DAB1: variants seen among roughly 807,000 people sequenced by gnomAD.
DAB1 encodes DAB adaptor protein 1.
Under a neutral mutation model 64.6 loss-of-function variants are expected in DAB1, and 15 were observed. That is an observed-to-expected ratio of 0.23 (90% CI 0.16 to 0.36). DAB1 has a LOEUF of 0.36. DAB1 is among the 10% of genes least tolerant of loss of function. DAB1 has a pLI of 1.00. For synonymous variants in DAB1, 235 were observed against 251.9 expected, an observed-to-expected ratio of 0.93 and a Z score of 0.64; for missense variants, 596 against 706.7, an observed-to-expected ratio of 0.84 and a Z score of 1.78.
chr1:57,449,116 C>T (rs1036779279), intron 7 of DAB1, among the ~76,000 whole-genome samples: 1 of 152,080 alleles, frequency 6.6e-6, no homozygotes, highest in Non-Finnish European at 1.5e-5. Context: ...TGCCCCTGCC[C>T]GTTGTTATAA....
intron 2 of DAB1, among the ~76,000 whole-genome samples, chr1:57,222,767 G>A (rs965287494): frequency 1.3e-5 from 2 of 152,178 alleles, no homozygotes; most frequent in African/African-American, 4.8e-5. Flanking sequence ...GCTCAATTGT[G>A]CATGTTGGTT....
At chr1:57,145,184 A>G (rs1009053876) in intron 3 of DAB1, 106 bp downstream of exon 3, 1 of 1,163,886 alleles carries the variant, frequency 8.6e-7, no homozygotes, top group African/African-American at 1.5e-5. Context: ...AAGCCAAGTA[A>G]TTTACCAATA....
At chr1:58,178,152 G>A (rs759760277) in intron 4 of DAB1, among the ~76,000 whole-genome samples, 1 of 152,088 alleles carries the variant, frequency 6.6e-6, no homozygotes, top group African/African-American at 2.4e-5. Flanking sequence ...ACTAATTAAA[G>A]TAGTAACCTT....
At chr1:57,408,803 T>C (rs1570468662) in intron 1 of DAB1, among the ~76,000 whole-genome samples, 1 of 152,176 alleles carries the variant, frequency 6.6e-6, no homozygotes, top group African/African-American at 2.4e-5. Flanking sequence ...ACAGGTCCTT[T>C]TCCTGTTTCT....
rs78938367 is a variant in DAB1, at chr1:57,584,604, C to T, written n.625+64988G>A. The stretch of plus-strand genomic sequence containing the variant: ...ATATCCTAATGTCTCCCTGAACAGG[C>T]ACTAGGGAAACAGAAATATCACTCA... On this transcript the variant is annotated intron_variant and non_coding_transcript_variant, in intron 7 of 20. Coordinates refer to the DAB1 transcript ENST00000485760. Among the ~76,000 whole-genome samples, 1,275 of 152,276 alleles carry T rather than the reference C, an allele frequency of 8.4e-3. 15 individuals are homozygous for T. Among genetic ancestry groups the T allele is most frequent in the African/African-American group, 0.029 (1,221 of 41,558 alleles).
chr1:57,356,331 C>A (rs1484470364), intron 1 of DAB1, among the ~76,000 whole-genome samples: 4 of 152,118 alleles, frequency 2.6e-5, no homozygotes, highest in African/African-American at 9.7e-5. Context: ...TGATCTGTAG[C>A]ATGCAGGTAA....
At chr1:57,677,216 A>G (rs1011850281) in intron 6 of DAB1, among the ~76,000 whole-genome samples, 1 of 152,178 alleles carries the variant, frequency 6.6e-6, no homozygotes, top group African/African-American at 2.4e-5. Flanking sequence ...TTGATCTTGG[A>G]CTTTAGCTTC....
intron 6 of DAB1, among the ~76,000 whole-genome samples, chr1:57,762,125 C>T (rs949527827): frequency 1.3e-5 from 2 of 152,098 alleles, no homozygotes; most frequent in Non-Finnish European, 2.9e-5. Context: ...TATTTATATT[C>T]AATATTTCAC....
chr1:57,788,176 A>C (rs1013876681), intron 6 of DAB1, among the ~76,000 whole-genome samples: 7 of 152,170 alleles, frequency 4.6e-5, no homozygotes, highest in African/African-American at 1.4e-4. Context: ...TATCCAGGGG[A>C]AATGAAAGCA....
At chr1:57,850,127 GAGA>G (rs1267274599) in intron 1 of DAB1, among the ~76,000 whole-genome samples, 18 of 152,174 alleles carry the variant, frequency 1.2e-4, no homozygotes, top group South Asian at 6.2e-4. Context: ...CTGCTCTGAA[GAGA>G]AGGAGAGAAC....
At chr1:58,217,499 C>A (rs1219833051) in intron 4 of DAB1, among the ~76,000 whole-genome samples, 1 of 152,216 alleles carries the variant, frequency 6.6e-6, no homozygotes, top group Non-Finnish European at 1.5e-5. Context: ...ATTCATTTTC[C>A]TACACTCAAC....
chr1:57,140,845 G>T (rs1020335471), intron 3 of DAB1, among the ~76,000 whole-genome samples: 3 of 152,294 alleles, frequency 2.0e-5, no homozygotes, highest in African/African-American at 7.2e-5. Context: ...GATGGAGGAC[G>T]TTACATATAG....
rs918990031 is a variant in DAB1, at chr1:58,449,169, C to T, written n.257+56891G>A. 1.1e-4 allele frequency among the ~76,000 whole-genome samples: 16 copies of T among 152,142 alleles called. No homozygotes were observed. The East Asian group carries it at 1.2e-3, about 11-fold the overall frequency. On this transcript the variant is annotated intron_variant and non_coding_transcript_variant, in intron 3 of 20. Coordinates refer to the DAB1 transcript ENST00000485760. ...GGCCAGAGAGGCTGTAGGACCTGCACGTATCGCGGGAATGAATCTTAGCCC... is the reference window on the plus strand; with the variant it reads ...GGCCAGAGAGGCTGTAGGACCTGCATGTATCGCGGGAATGAATCTTAGCCC...
At chr1:57,459,343 C>T (rs192274197) in intron 7 of DAB1, among the ~76,000 whole-genome samples, 52 of 152,190 alleles carry the variant, frequency 3.4e-4, no homozygotes, top group African/African-American at 1.2e-3. Flanking sequence ...AACCATTCTC[C>T]TATTGTGGGG....
At chr1:58,358,480 T>C (rs1316520203) in intron 3 of DAB1, among the ~76,000 whole-genome samples, 1 of 152,120 alleles carries the variant, frequency 6.6e-6, no homozygotes, top group Non-Finnish European at 1.5e-5. Context: ...ACATGACTCA[T>C]CTGAAAGCAA....
chr1:57,288,716 G>A (rs988777002), intron 2 of DAB1, among the ~76,000 whole-genome samples: 2 of 151,930 alleles, frequency 1.3e-5, no homozygotes, highest in Non-Finnish European at 2.9e-5. Flanking sequence ...GATGAATGAT[G>A]AAGGAAGAGA....
At chr1:57,623,142 G>A (rs1645881882) in intron 7 of DAB1, among the ~76,000 whole-genome samples, 1 of 152,148 alleles carries the variant, frequency 6.6e-6, no homozygotes, top group African/African-American at 2.4e-5. Context: ...CATCAAACGA[G>A]CCTGCTGTTC....
intron 3 of DAB1, among the ~76,000 whole-genome samples, chr1:58,466,782 T>C (rs956624924): frequency 6.6e-6 from 1 of 152,154 alleles, no homozygotes; most frequent in African/African-American, 2.4e-5. Context: ...CACAGCCCGG[T>C]TGAACAGCGC....
chr1:58,437,445 C>G (rs1644957355), intron 3 of DAB1, among the ~76,000 whole-genome samples: 1 of 152,124 alleles, frequency 6.6e-6, no homozygotes, highest in Non-Finnish European at 1.5e-5. Flanking sequence ...CTGGTACTGC[C>G]TGTGCCACTT....
Sources: gnomAD v4.1 joint callset for allele counts (sites outside exome capture counted in the v4.1 genomes callset) on GRCh38, gnomAD v4.1.1 for gene constraint, MANE v1.5 for transcripts, NCBI Gene and HGNC (gene_info 2026-07-23, HGNC 2026-07-21) for gene names.